The following CAPN15 variants were observed in gnomAD, a reference collection of about 807,000 sequenced individuals.
CAPN15 encodes the protein calpain-15.
In CAPN15, 53 loss-of-function variants were observed where a neutral mutation model predicts 97.9. That is an observed-to-expected ratio of 0.54 (90% CI 0.43 to 0.68). CAPN15 has a LOEUF of 0.68. Ranked by LOEUF, CAPN15 falls within the 30% of genes least tolerant of loss-of-function variation. The pLI is 0.00. For synonymous variants in CAPN15, 922 were observed against 722.5 expected (o/e 1.28, Z -4.43); for missense variants, 1,592 against 1,589.8 (o/e 1.00, Z -0.02).
chr16:528,150 G>C (rs1167336719), intron 1 of CAPN15, 121 bp downstream of exon 1: 1 of 150,404 alleles, frequency 6.6e-6, no homozygotes, highest in East Asian at 1.9e-4. Flanking sequence ...CGGGGGCCGG[G>C]CGCGCCGGGC....
intron 3 of CAPN15, among the ~76,000 whole-genome samples, chr16:545,432 C>T (rs1018413823): frequency 1.1e-4 from 17 of 152,134 alleles, no homozygotes; most frequent in African/African-American, 2.9e-4. Flanking sequence ...CTCCCCTCAG[C>T]GTCTCCAGCC....
chr16:551,714 C>G, intron 9 of CAPN15, 50 bp downstream of exon 9: 1 of 1,574,430 alleles, frequency 6.4e-7, no homozygotes, highest in Non-Finnish European at 8.6e-7. Flanking sequence ...CTCCTAGGGC[C>G]GAGTCCTTCT....
At position 553,796 on chromosome 16, in the gene CAPN15, A is replaced by C; in HGVS notation, c.*280A>C. 8 of 311,446 alleles carry C rather than the reference A, an allele frequency of 2.6e-5. No individual in the cohort carries two copies. Among genetic ancestry groups the C allele is most frequent in the East Asian group, 1.7e-4 (3 of 17,614 alleles). The allele number at this position is 311,446 out of a possible 1,614,324, so 19.3% of individuals were successfully genotyped here. The stretch of plus-strand genomic sequence containing the variant: ...GCTCACCTGCCAGCCCCAACACCCG[A>C]CGGGGGCCGAGGCCAGGCTGCCCCT... On this transcript the variant is annotated 3_prime_UTR_variant, in exon 14 of 14. Coordinates refer to ENST00000219611, the MANE Select transcript of CAPN15 (RefSeq NM_005632.3).
At position 554,242 on chromosome 16, in the gene CAPN15, C is replaced by T; in HGVS notation, c.*726C>T. Reference sequence around the variant, plus strand: ...GCCAACCCTGTCCCTCGGCCCGGCCCTGCCAGAGAGGGACCCCAGCACATC... The same window carrying T: ...GCCAACCCTGTCCCTCGGCCCGGCCTTGCCAGAGAGGGACCCCAGCACATC... On this transcript the variant is annotated 3_prime_UTR_variant, in exon 14 of 14. Coordinates refer to ENST00000219611, the MANE Select transcript of CAPN15 (RefSeq NM_005632.3). 2 of 332,254 alleles carry T rather than the reference C, an allele frequency of 6.0e-6. No homozygotes were observed. The highest frequency in any genetic ancestry group is 1.2e-5 in the Non-Finnish European group (2 of 168,854). The allele number at this position is 332,254 out of a possible 1,614,324, so 20.6% of individuals were successfully genotyped here.
rs1336030095 is a variant in CAPN15, at chr16:547,473, A to T, written c.635A>T (p.Asn212Ile). Residue 212 changes from asparagine to isoleucine, a missense_variant, in exon 4 of 14, where the codon AAC becomes ATC. Physicochemically the swap from Asn to Ile is moderately radical, Grantham distance 149. Transcript: ENST00000219611. The part of the protein sequence containing the change: ...PGLPGEGAEA[N>I]PPATSQGPAA... ...CTCCCCGGGGAAGGTGCCGAGGCCA[A>T]CCCCCCAGCCACCAGCCAGGGCCCA... is the stretch of plus-strand genomic sequence containing the variant. The T allele has an allele frequency of 6.3e-7, 1 of 1,595,154 alleles. No individual in the cohort carries two copies.
At chr16:533,094 G>A (rs975236313) in intron 1 of CAPN15, among the ~76,000 whole-genome samples, 12 of 152,040 alleles carry the variant, frequency 7.9e-5, no homozygotes, top group Non-Finnish European at 1.6e-4. Context: ...GGTGGCGGGC[G>A]CCTGTAATCC....
At chr16:539,182 C>T (rs2033937224) in intron 3 of CAPN15, 2 of 152,342 alleles carry the variant, frequency 1.3e-5, no homozygotes, top group South Asian at 4.1e-4. Context: ...CCCTTTCCTC[C>T]TAAGCTCTAC....
intron 4 of CAPN15, among the ~76,000 whole-genome samples, chr16:548,584 C>A (rs531763238): frequency 6.6e-6 from 1 of 152,258 alleles, no homozygotes; most frequent in Non-Finnish European, 1.5e-5. Context: ...GAGGCGAGGG[C>A]TTCCCAGGGG....
In CAPN15 at chr16:528,683, GC is replaced by G. The variant is rs572245967; in HGVS notation, c.-190+659del. The G allele has an allele frequency of 4.6e-4, 454 of 983,926 alleles. 5 individuals carry two copies. In the African/African-American group the frequency reaches 7.4e-3, roughly 16 times the overall value. The allele number at this position is 983,926 out of a possible 1,614,324, so 60.9% of individuals were successfully genotyped here. ...GGCCCTGGCCGGGCGAGCTCTCGGGGCCCCCTTACTGCTCTGGAGTTTGTTA... is the reference window on the plus strand; with the variant it reads ...GGCCCTGGCCGGGCGAGCTCTCGGGGCCCCTTACTGCTCTGGAGTTTGTTA... On this transcript the variant is annotated intron_variant, in intron 1 of 13. Coordinates refer to ENST00000219611, the MANE Select transcript of CAPN15 (RefSeq NM_005632.3).
intron 3 of CAPN15, chr16:538,937 T>A (rs1416742225): frequency 6.8e-6 from 1 of 146,594 alleles, no homozygotes; most frequent in Non-Finnish European, 1.5e-5. Context: ...AAGGATATGT[T>A]CTTTGGTGCT....
chr16:549,973 G>A lies in CAPN15; in HGVS notation c.2066+135G>A, dbSNP rs189198799. The A allele has an allele frequency of 1.2e-3, 865 of 699,430 alleles. 6 individuals are homozygous for A. The African/African-American group carries it at 0.013, about 10-fold the overall frequency. 43.3% of individuals were successfully genotyped at this position (699,430 alleles called of 1,614,324 possible). A position where few individuals can be genotyped will look rare whatever the true frequency, so the allele number is the denominator to read the frequency against. On this transcript the variant is annotated intron_variant, in intron 7 of 13. Coordinates refer to ENST00000219611, the MANE Select transcript of CAPN15 (RefSeq NM_005632.3). ...CCCCTGGCGTGGGCTGACCCCGCGT[G>A]GCCAGGCCACAGCCCCAATCACCTC... is the stretch of plus-strand genomic sequence containing the variant.
At chr16:551,719 C>G (rs2035093412) in intron 9 of CAPN15, 55 bp downstream of exon 9, 17 of 1,573,146 alleles carry the variant, frequency 1.1e-5, no homozygotes, top group Non-Finnish European at 1.5e-5. Context: ...AGGGCCGAGT[C>G]CTTCTCTGGA....
rs183744366 is a variant in CAPN15, at chr16:540,798, G to A, written c.-23+4656G>A. Among the ~76,000 whole-genome samples, 1,034 of 152,298 alleles carry A rather than the reference G, an allele frequency of 6.8e-3. 8 individuals are homozygous for A. The highest frequency in any genetic ancestry group is 0.023 in the African/African-American group (966 of 41,572). The stretch of plus-strand genomic sequence containing the variant: ...ACATGGCTTGGTGGCCGAACTCCAC[G>A]TGCTGGCTCCTCACAGCTGTCACCA... On this transcript the variant is annotated intron_variant, in intron 3 of 13. Coordinates refer to ENST00000219611, the MANE Select transcript of CAPN15 (RefSeq NM_005632.3).
At chr16:548,321 A>G (rs1374896657) in intron 4 of CAPN15, 34 bp downstream of exon 4, 1 of 1,438,078 alleles carries the variant, frequency 7.0e-7, no homozygotes, top group East Asian at 2.7e-5. Context: ...CCTGCTCCTG[A>G]GCCTCCTGCT....
rs1442360371 is a variant in CAPN15 at position 545,209 on chromosome 16, G to A, written c.-22-1608G>A. 5.3e-5 allele frequency among the ~76,000 whole-genome samples: 8 copies of A among 152,028 alleles called. No individual in the cohort carries two copies. The East Asian group carries it at 5.8e-4, about 11-fold the overall frequency. ...AAAACAACATCTTTGTAAGGGTTTC[G>A]GGTCTCTGAGCCCATGAACCTGCCC... On this transcript the variant is annotated intron_variant, in intron 3 of 13. Coordinates refer to ENST00000219611, the MANE Select transcript of CAPN15 (RefSeq NM_005632.3).
chr16:531,072 T>G (rs984236883), intron 1 of CAPN15, among the ~76,000 whole-genome samples: 1 of 152,286 alleles, frequency 6.6e-6, no homozygotes, highest in African/African-American at 2.4e-5. Flanking sequence ...CCATCGCTGC[T>G]TTTTAAATGT....
rs2034640464 is a variant in CAPN15 at position 547,133 on chromosome 16, G to A, written c.295G>A (p.Gly99Ser). ...KPPAILGEPK[G>S]SCQEEAGPVR... is the part of the protein sequence containing the mutation. The stretch of plus-strand genomic sequence containing the variant: ...ACCCGCCATCCTGGGGGAGCCCAAG[G>A]GCAGCTGCCAGGAGGAAGCAGGTCC... The change falls in exon 4 of 14, where the codon GGC (glycine) becomes AGC (serine). Residue 99 changes from glycine (G) to serine (S), a missense_variant. By Grantham distance (56) the Gly-to-Ser change is moderately conservative (BLOSUM62 0). Transcript: ENST00000219611. 4 of 1,561,822 alleles carry A rather than the reference G, an allele frequency of 2.6e-6. No individual in the cohort carries two copies. Among genetic ancestry groups the A allele is most frequent in the Non-Finnish European group, 3.5e-6 (4 of 1,155,690 alleles).
chr16:547,211 G>A lies in CAPN15; in HGVS notation c.373G>A (p.Asp125Asn), dbSNP rs1198053372. The A allele has an allele frequency of 1.8e-5, 28 of 1,528,170 alleles. No homozygotes were observed. Among genetic ancestry groups the A allele is most frequent in the East Asian group, 4.7e-5 (2 of 42,268 alleles). The allele number at this position is 1,528,170 out of a possible 1,614,324, so 94.7% of individuals were successfully genotyped here. ...GGAGCCCGCCAGGGGGCAGTGCGAG[G>A]ACAAGGACGAGGAGGAGAAGGAGGA... Reference protein sequence around the residue: ...ATEPARGQCEDKDEEEKEEQE... With the variant: ...ATEPARGQCENKDEEEKEEQE... Residue 125 changes from aspartate (D) to asparagine (N), a missense_variant, in exon 4 of 14, where the codon GAC becomes AAC. Asp to Asn is a conservative substitution (Grantham distance 23). Transcript: ENST00000219611.
intron 3 of CAPN15, 90 bp downstream of exon 3, chr16:536,232 C>A: frequency 3.6e-6 from 1 of 277,990 alleles, no homozygotes; most frequent in Non-Finnish European, 5.5e-6. Flanking sequence ...ACCCCCCTGC[C>A]GAGGTCTGGC....
Sources: allele counts gnomAD v4.1 joint callset (sites outside exome capture counted in the v4.1 genomes callset), GRCh38; gene constraint gnomAD v4.1.1; transcripts MANE v1.5; gene names NCBI Gene and HGNC (gene_info 2026-07-23, HGNC 2026-07-21).